IL15: variants seen among roughly 807,000 people sequenced by gnomAD.
IL15 encodes the protein interleukin-15.
In IL15, 11 loss-of-function variants were observed where a neutral mutation model predicts 19.6. The ratio of observed to expected loss-of-function variants is 0.56; its 90% confidence interval spans 0.35 to 0.93. The LOEUF is 0.93. Ranked by LOEUF, IL15 falls within the 40% of genes least tolerant of loss-of-function variation. The pLI is 0.01. For synonymous variants in IL15, 58 were observed against 59.6 expected, an observed-to-expected ratio of 0.97 and a Z score of 0.12; for missense variants, 197 against 186.5, an observed-to-expected ratio of 1.06 and a Z score of -0.33.
intron 1 of IL15, among the ~76,000 whole-genome samples, chr4:141,655,140 G>A (rs1352839965): frequency 8.5e-5 from 13 of 152,076 alleles, no homozygotes; most frequent in African/African-American, 3.1e-4. Flanking sequence ...TCATGCTCCT[G>A]CAGGATTCAT....
chr4:141,709,568 T>G lies in IL15; in HGVS notation c.-99-9798T>G, dbSNP rs182267275. Among the ~76,000 whole-genome samples the G allele has an allele frequency of 6.6e-3, 1,004 of 152,308 alleles. 13 individuals carry two copies. The highest frequency in any genetic ancestry group is 0.023 in the African/African-American group (941 of 41,570). On this transcript the variant is annotated intron_variant, in intron 2 of 7. Coordinates refer to ENST00000320650, the MANE Select transcript of IL15 (RefSeq NM_000585.5). ...TGGGAAATGCTACAAAACAACGATT[T>G]TTTTTTTGAGAGCTAGTTTACTGGC...
At chr4:141,731,768 A>G (rs17007621) in intron 7 of IL15, among the ~76,000 whole-genome samples, 3,256 of 152,352 alleles carry the variant, frequency 0.021, 135 homozygotes, top group African/African-American at 0.073. Context: ...TGTGCTTGAT[A>G]AATGTCGCTG....
intron 2 of IL15, among the ~76,000 whole-genome samples, chr4:141,675,680 G>T (rs1159486060): frequency 6.6e-6 from 1 of 152,098 alleles, no homozygotes; most frequent in Non-Finnish European, 1.5e-5. Context: ...GAAAAAGTTG[G>T]ATTGCTTGAT....
chr4:141,704,873 T>G (rs1729454840), intron 2 of IL15, among the ~76,000 whole-genome samples: 1 of 151,928 alleles, frequency 6.6e-6, no homozygotes, highest in Non-Finnish European at 1.5e-5. Flanking sequence ...TGGTGTATAC[T>G]TATTCATAAT....
At chr4:141,729,563 A>G (rs1560941563) in intron 6 of IL15, among the ~76,000 whole-genome samples, 1 of 152,130 alleles carries the variant, frequency 6.6e-6, no homozygotes, top group East Asian at 1.9e-4. Context: ...TCCACAGGGG[A>G]AATGTGCTCG....
intron 2 of IL15, among the ~76,000 whole-genome samples, chr4:141,681,570 A>C (rs1208098824): frequency 6.6e-6 from 1 of 152,198 alleles, no homozygotes; most frequent in East Asian, 1.9e-4. Flanking sequence ...TGTTGTTTGC[A>C]TGATGTAAAT....
At chr4:141,677,360 T>G (rs1728381868) in intron 2 of IL15, among the ~76,000 whole-genome samples, 1 of 152,192 alleles carries the variant, frequency 6.6e-6, no homozygotes. Context: ...AATAACATTT[T>G]TTTCTCCAGC....
chr4:141,681,015 C>T (rs1728513148), intron 2 of IL15, among the ~76,000 whole-genome samples: 1 of 152,152 alleles, frequency 6.6e-6, no homozygotes, highest in African/African-American at 2.4e-5. Context: ...GCCATGTCAT[C>T]CTGGCTTTGT....
chr4:141,654,577 T>G (rs1727524535), intron 1 of IL15, among the ~76,000 whole-genome samples: 1 of 152,214 alleles, frequency 6.6e-6, no homozygotes, highest in African/African-American at 2.4e-5. Context: ...TATTTCCATT[T>G]CAGTATGTGC....
intron 2 of IL15, among the ~76,000 whole-genome samples, chr4:141,701,302 T>C (rs1729299109): frequency 6.6e-6 from 1 of 152,054 alleles, no homozygotes; most frequent in South Asian, 2.1e-4. Flanking sequence ...TTTTTTATTT[T>C]TTCCCTCTTA....
In IL15 at chr4:141,733,651, T is replaced by A. The variant is rs570758908; in HGVS notation, c.*803T>A. The A allele has an allele frequency of 6.6e-6, 1 of 152,276 alleles. No individual in the cohort carries two copies. Among genetic ancestry groups the A allele is most frequent in the African/African-American group, 2.4e-5 (1 of 41,554 alleles). The allele number at this position is 152,276 out of a possible 1,614,324, so 9.4% of individuals were successfully genotyped here. ...TTAGCTCATCAGCTATCATTAGCGG[T>A]AGTGTATTTAAAGTGTGGCCCAAGA... On this transcript the variant is annotated 3_prime_UTR_variant, in exon 8 of 8. Coordinates refer to ENST00000320650, the MANE Select transcript of IL15 (RefSeq NM_000585.5).
At chr4:141,677,995 T>C (rs1182361952) in intron 2 of IL15, among the ~76,000 whole-genome samples, 1 of 152,198 alleles carries the variant, frequency 6.6e-6, no homozygotes, top group Non-Finnish European at 1.5e-5. Context: ...CAGAGCTTTG[T>C]CTCTATACCA....
At position 141,670,787 on chromosome 4, in the gene IL15, A is replaced by C. The variant is rs567065915; in HGVS notation, c.-100+14480A>C. ...AGTTTTAGATTCAACATTATGTCGA[A>C]GTTCCAGTACCTTTATACTTGAAGT... On this transcript the variant is annotated intron_variant, in intron 2 of 7. Coordinates refer to ENST00000320650, the MANE Select transcript of IL15 (RefSeq NM_000585.5). Among the ~76,000 whole-genome samples the C allele has an allele frequency of 2.0e-5, 3 of 152,352 alleles. No homozygotes were observed. The South Asian group carries it at 6.2e-4, about 32-fold the overall frequency.
chr4:141,660,712 T>G (rs1219423970), intron 2 of IL15, among the ~76,000 whole-genome samples: 1 of 152,226 alleles, frequency 6.6e-6, no homozygotes, highest in African/African-American at 2.4e-5. Context: ...TATAATACTC[T>G]AAAGTAGGTT....
rs200531127 is a variant in IL15, at chr4:141,721,962, G to T, written c.149G>T (p.Trp50Leu). The change falls in exon 5 of 8, where the codon TGG becomes TTG. Residue 50 changes from tryptophan to leucine, a missense_variant. Coordinates refer to ENST00000320650, the MANE Select transcript of IL15 (RefSeq NM_000585.5). ...SAGLPKTEANWVNVISDLKKI... is the reference protein window; with the variant it reads ...SAGLPKTEANLVNVISDLKKI... ...GGGCTTCCTAAAACAGAAGCCAACT[G>T]GGTGAATGTAATAAGTGATTTGAAA... The T allele has an allele frequency of 6.3e-6, 10 of 1,595,390 alleles. No individual in the cohort carries two copies. The highest frequency in any genetic ancestry group is 6.9e-6 in the Non-Finnish European group (8 of 1,166,208).
intron 1 of IL15, among the ~76,000 whole-genome samples, chr4:141,655,819 T>G (rs939560697): frequency 5.9e-5 from 9 of 152,244 alleles, no homozygotes; most frequent in African/African-American, 2.2e-4. Context: ...GGTCAATAAC[T>G]TAATATCAAA....
At chr4:141,697,367 A>G (rs1348503537) in intron 2 of IL15, among the ~76,000 whole-genome samples, 1 of 152,098 alleles carries the variant, frequency 6.6e-6, no homozygotes, top group African/African-American at 2.4e-5. Context: ...CCATTGGTCT[A>G]CATGCCTATT....
At position 141,719,348 on chromosome 4, in the gene IL15, G is replaced by T; in HGVS notation, c.-99-18G>T. On this transcript the variant is annotated intron_variant, in intron 2 of 7. Coordinates refer to ENST00000320650, the MANE Select transcript of IL15 (RefSeq NM_000585.5). ...TACTAGTGCACTTGTGTTTTTAATG[G>T]ATCATACTTTACCCTAGATTGTATT... 12 of 605,074 alleles carry T rather than the reference G, an allele frequency of 2.0e-5. No homozygotes were observed. Among genetic ancestry groups the T allele is most frequent in the South Asian group, 4.8e-5 (2 of 41,460 alleles). 37.5% of individuals were successfully genotyped at this position (605,074 alleles called of 1,614,324 possible).
At chr4:141,699,776 A>G (rs2152181141) in intron 2 of IL15, among the ~76,000 whole-genome samples, 1 of 152,248 alleles carries the variant, frequency 6.6e-6, no homozygotes, top group Non-Finnish European at 1.5e-5. Context: ...TGTTTTATCC[A>G]TTCTGCTATT....
Sources: gnomAD v4.1 joint callset for allele counts (sites outside exome capture counted in the v4.1 genomes callset) on GRCh38, gnomAD v4.1.1 for gene constraint, MANE v1.5 for transcripts, NCBI Gene and HGNC (gene_info 2026-07-23, HGNC 2026-07-21) for gene names.